KAZN: variants seen among roughly 807,000 people sequenced by gnomAD.
The protein encoded by KAZN is kazrin, periplakin interacting protein, also known as kazrin.
A neutral mutation model predicts 87.4 loss-of-function variants in KAZN; 40 were observed. That is an observed-to-expected ratio of 0.46 (90% CI 0.36 to 0.60). The LOEUF is 0.60. Among genes scored for constraint, KAZN ranks in the 20% least tolerant of loss-of-function variants. The pLI, the probability that KAZN is intolerant of heterozygous loss-of-function variation, is 0.00. For missense variants in KAZN, 898 were observed against 1,073.9 expected (o/e 0.84, Z 2.29); for synonymous variants, 466 against 458.3 (o/e 1.02, Z -0.22).
chr1:14,336,512 G>A (rs1421034788), intron 2 of KAZN, among the ~76,000 whole-genome samples: 1 of 152,142 alleles, frequency 6.6e-6, no homozygotes, highest in Admixed American at 6.5e-5. Context: ...TAATTCTATG[G>A]TCAACTTTTT....
intron 2 of KAZN, among the ~76,000 whole-genome samples, chr1:14,295,371 A>C (rs542782983): frequency 9.8e-5 from 15 of 152,296 alleles, no homozygotes; most frequent in Admixed American, 4.6e-4. Context: ...AGCTGCCAGA[A>C]ACATGGACCC....
chr1:14,395,920 G>T (rs559414868), intron 2 of KAZN, among the ~76,000 whole-genome samples: 1 of 152,168 alleles, frequency 6.6e-6, no homozygotes, highest in African/African-American at 2.4e-5. Context: ...TGTAATCCCA[G>T]CACTTTGGGA....
intron 1 of KAZN, among the ~76,000 whole-genome samples, chr1:14,743,627 A>C (rs949978989): frequency 7.9e-5 from 12 of 152,150 alleles, no homozygotes; most frequent in African/African-American, 2.9e-4. Flanking sequence ...TGGGAGACCC[A>C]GCAGTGGCCA....
intron 2 of KAZN, among the ~76,000 whole-genome samples, chr1:14,428,200 A>G (rs1468262063): frequency 1.3e-5 from 2 of 152,212 alleles, no homozygotes; most frequent in East Asian, 3.9e-4. Context: ...ATTCCTGCAC[A>G]TTCCATGACT....
chr1:14,746,234 T>TAGATGGTGTTCTC (rs2100461821), intron 1 of KAZN, among the ~76,000 whole-genome samples: 1 of 146,098 alleles, frequency 6.8e-6, no homozygotes, highest in Admixed American at 6.9e-5. Context: ...GGTGTTCTCT[T>TAGATGGTGTTCTC]GATTCCCCTA....
At chr1:14,819,661 T>G (rs1419721023) in intron 1 of KAZN, among the ~76,000 whole-genome samples, 1 of 151,458 alleles carries the variant, frequency 6.6e-6, no homozygotes, top group African/African-American at 2.4e-5. Flanking sequence ...ACTTCAGACT[T>G]GCGAGTCCCC....
At chr1:14,986,192 A>G (rs1363485419) in intron 2 of KAZN, among the ~76,000 whole-genome samples, 1 of 152,024 alleles carries the variant, frequency 6.6e-6, no homozygotes, top group Non-Finnish European at 1.5e-5. Flanking sequence ...AAGCTTGCAT[A>G]TGGACCTGCG....
At chr1:14,145,893 A>T (rs1365120518) in intron 1 of KAZN, among the ~76,000 whole-genome samples, 1 of 152,228 alleles carries the variant, frequency 6.6e-6, no homozygotes, top group African/African-American at 2.4e-5. Flanking sequence ...CTTGATTAAC[A>T]ACGGGGTCAT....
chr1:15,010,959 AG>A (rs1464099288), intron 2 of KAZN, among the ~76,000 whole-genome samples: 10 of 152,232 alleles, frequency 6.6e-5, no homozygotes, highest in African/African-American at 2.4e-4. Context: ...CCATTTTAAA[AG>A]CTTCCATCAT....
intron 1 of KAZN, among the ~76,000 whole-genome samples, chr1:14,097,749 C>T (rs1004765462): frequency 6.6e-6 from 1 of 152,142 alleles, no homozygotes; most frequent in Non-Finnish European, 1.5e-5. Flanking sequence ...CTCAATCTGG[C>T]TCTCAGATAT....
intron 2 of KAZN, among the ~76,000 whole-genome samples, chr1:14,439,776 C>T (rs1434877499): frequency 1.3e-5 from 2 of 152,184 alleles, no homozygotes; most frequent in African/African-American, 2.4e-5. Context: ...ACGCTTTGAC[C>T]TTTTCTTTTC....
intron 2 of KAZN, among the ~76,000 whole-genome samples, chr1:14,221,069 T>G (rs1164679485): frequency 6.6e-6 from 1 of 152,168 alleles, no homozygotes; most frequent in Non-Finnish European, 1.5e-5. Context: ...GTTCACTGTC[T>G]AGGTCATAGT....
intron 1 of KAZN, among the ~76,000 whole-genome samples, chr1:13,938,094 G>T (rs140686901): frequency 6.6e-6 from 1 of 152,008 alleles, no homozygotes; most frequent in Non-Finnish European, 1.5e-5. Context: ...AATAGAAATC[G>T]CATTGAATCT....
intron 2 of KAZN, among the ~76,000 whole-genome samples, chr1:14,182,345 G>A (rs569631180): frequency 1.3e-5 from 2 of 152,184 alleles, no homozygotes; most frequent in Non-Finnish European, 1.5e-5. Context: ...GAAACGTCAT[G>A]TGGAAACCCC....
At chr1:14,762,681 C>T (rs1361168425) in intron 1 of KAZN, among the ~76,000 whole-genome samples, 3 of 151,446 alleles carry the variant, frequency 2.0e-5, no homozygotes, top group Non-Finnish European at 4.4e-5. Context: ...GCTGAGATCG[C>T]GCCACTGCAC....
At chr1:13,989,051 G>A (rs915426970) in intron 1 of KAZN, among the ~76,000 whole-genome samples, 2 of 152,098 alleles carry the variant, frequency 1.3e-5, no homozygotes, top group African/African-American at 2.4e-5. Flanking sequence ...GGGCCTTCTT[G>A]TTGTATTATC....
At chr1:14,507,970 AAAAT>A (rs1273809352) in intron 2 of KAZN, among the ~76,000 whole-genome samples, 2 of 95,382 alleles carry the variant, frequency 2.1e-5, no homozygotes, top group African/African-American at 8.9e-5. Context: ...CGGTCTCCAA[AAAAT>A]AAATAAAAAA....
At chr1:13,935,659 A>G (rs1372430980) in intron 1 of KAZN, among the ~76,000 whole-genome samples, 3 of 152,182 alleles carry the variant, frequency 2.0e-5, no homozygotes, top group African/African-American at 7.2e-5. Flanking sequence ...CCACAAACAC[A>G]TGTGTAGTTG....
At chr1:14,495,194 T>G (rs1243440446) in intron 2 of KAZN, among the ~76,000 whole-genome samples, 1 of 152,224 alleles carries the variant, frequency 6.6e-6, no homozygotes, top group Non-Finnish European at 1.5e-5. Context: ...CTTGAATTAT[T>G]CTTTTAATGG....
Sources: gnomAD v4.1 joint callset for allele counts (sites outside exome capture counted in the v4.1 genomes callset) on GRCh38, gnomAD v4.1.1 for gene constraint, MANE v1.5 for transcripts, NCBI Gene and HGNC (gene_info 2026-07-23, HGNC 2026-07-21) for gene names.